RNF169: variants seen among roughly 807,000 people sequenced by gnomAD.
The protein encoded by RNF169 is ring finger protein 169, also known as E3 ubiquitin-protein ligase RNF169.
Under a neutral mutation model 53.9 loss-of-function variants are expected in RNF169, and 24 were observed. That is an observed-to-expected ratio of 0.45 (90% confidence interval 0.32 to 0.63). RNF169 has a LOEUF of 0.63. Among genes scored for constraint, RNF169 ranks in the 20% least tolerant of loss-of-function variants. The pLI is 0.04. For synonymous variants in RNF169, 396 were observed against 363.5 expected, an observed-to-expected ratio of 1.09 and a Z score of -1.02; for missense variants, 883 against 906.2, an observed-to-expected ratio of 0.97 and a Z score of 0.33.
rs190522577 is a variant in RNF169, at chr11:74,811,527, C to T, written c.723+1197C>T. 3.6e-3 allele frequency among the ~76,000 whole-genome samples: 543 copies of T among 152,240 alleles called. 3 individuals are homozygous for T. Among genetic ancestry groups the T allele is most frequent in the African/African-American group, 0.013 (533 of 41,538 alleles). On this transcript the variant is annotated intron_variant, in intron 3 of 5. Transcript: ENST00000299563. ...TGGGATTACAGGCGTGAGCCCCTGC[C>T]CGGCCTTGGTTTTATTTTTGCAAAG...
At position 74,841,472 on chromosome 11, in the gene RNF169, G is replaced by A. The variant is rs2036534169; in HGVS notation, c.*4742G>A. 1 of 152,128 alleles carries A rather than the reference G, an allele frequency of 6.6e-6. No individual in the cohort carries two copies. The highest frequency in any genetic ancestry group is 2.1e-4 in the South Asian group (1 of 4,830). The allele number at this position is 152,128 out of a possible 1,614,324, so 9.4% of individuals were successfully genotyped here. A position where few individuals can be genotyped will look rare whatever the true frequency, so the allele number is the denominator to read the frequency against. ...CACCAGTTTAGAGATCAGTCAAATT[G>A]GAAAAAGTGCCAAGACTGGATGTGC... On this transcript the variant is annotated 3_prime_UTR_variant, in exon 6 of 6. Coordinates refer to ENST00000299563, the MANE Select transcript of RNF169 (RefSeq NM_001098638.2).
intron 1 of RNF169, among the ~76,000 whole-genome samples, chr11:74,775,353 C>CT (rs913056359): frequency 7.9e-5 from 12 of 151,736 alleles, no homozygotes; most frequent in Non-Finnish European, 1.5e-4. Flanking sequence ...TTTTCTTTTT[C>CT]TTTTTTTTGT....
intron 1 of RNF169, among the ~76,000 whole-genome samples, chr11:74,755,847 A>T (rs949586111): frequency 1.3e-5 from 2 of 152,208 alleles, no homozygotes; most frequent in Admixed American, 1.3e-4. Context: ...GGAAGTAGAG[A>T]AGAGACTGAA....
chr11:74,769,525 A>T (rs2035228496), intron 1 of RNF169, among the ~76,000 whole-genome samples: 1 of 152,198 alleles, frequency 6.6e-6, no homozygotes, highest in Non-Finnish European at 1.5e-5. Context: ...GCACACACAC[A>T]ATGATGCTCA....
intron 1 of RNF169, among the ~76,000 whole-genome samples, chr11:74,762,837 C>T (rs921627835): frequency 3.9e-5 from 6 of 152,202 alleles, no homozygotes; most frequent in Non-Finnish European, 8.8e-5. Context: ...CCGACCAAAA[C>T]TGTAAGCCCT....
intron 1 of RNF169, among the ~76,000 whole-genome samples, chr11:74,782,794 C>A (rs1304500442): frequency 6.6e-6 from 1 of 151,626 alleles, no homozygotes; most frequent in African/African-American, 2.4e-5. Context: ...AATAATTTGG[C>A]AAACAGCAGT....
intron 2 of RNF169, among the ~76,000 whole-genome samples, chr11:74,808,448 A>G (rs1041699515): frequency 3.3e-5 from 5 of 152,158 alleles, no homozygotes; most frequent in African/African-American, 1.2e-4. Context: ...GTGACAATCA[A>G]AATTGTCTCC....
intron 2 of RNF169, among the ~76,000 whole-genome samples, chr11:74,803,843 G>T (rs1404283974): frequency 1.3e-5 from 2 of 152,188 alleles, no homozygotes; most frequent in African/African-American, 2.4e-5. Flanking sequence ...ATGAGGAAAT[G>T]AGCATTATTC....
Position 74,836,517 on chromosome 11 carries a change from A to C in RNF169, c.1914A>C (p.Lys638Asn). ...TKHLEQNGSL[K>N]KLRQTSGEVG... ...ACTTAGAACAAAATGGCTCCCTTAA[A>C]AAACTGCGACAAACCAGTGGGGAGG... Residue 638 changes from lysine (K) to asparagine (N), a missense_variant, in exon 6 of 6, where the codon AAA becomes AAC. Lys to Asn is a moderately conservative substitution (Grantham distance 94, BLOSUM62 0). This residue lies in a region of RNF169 where 351 missense variants were observed against 337.3 expected (regional missense o/e 1.04). Transcript: ENST00000299563. 3.1e-6 allele frequency: 5 copies of C among 1,614,214 alleles called. No homozygotes were observed. Among genetic ancestry groups the C allele is most frequent in the Non-Finnish European group, 4.2e-6 (5 of 1,180,040 alleles).
At chr11:74,779,063 A>G (rs77593174) in intron 1 of RNF169, among the ~76,000 whole-genome samples, 1,767 of 152,202 alleles carry the variant, frequency 0.012, 48 homozygotes, top group African/African-American at 0.04. Flanking sequence ...CAGCCTAACC[A>G]TTTTCTCAGT....
At chr11:74,783,201 T>C (rs1256635366) in intron 1 of RNF169, among the ~76,000 whole-genome samples, 2 of 152,146 alleles carry the variant, frequency 1.3e-5, no homozygotes, top group Non-Finnish European at 2.9e-5. Context: ...TTCCTGATGG[T>C]TTAATGCAAT....
At chr11:74,776,541 C>G (rs974285138) in intron 1 of RNF169, among the ~76,000 whole-genome samples, 3 of 145,046 alleles carry the variant, frequency 2.1e-5, no homozygotes, top group African/African-American at 7.9e-5. Context: ...AAAATTTAAG[C>G]CATTGTTTGA....
At chr11:74,831,736 C>T (rs1201580674) in intron 4 of RNF169, 1 of 151,266 alleles carries the variant, frequency 6.6e-6, no homozygotes, top group African/African-American at 2.4e-5. Flanking sequence ...CTCACAACTC[C>T]TGATTTCAAA....
chr11:74,832,514 ATTAAG>A (rs555600778), intron 4 of RNF169: 38 of 152,158 alleles, frequency 2.5e-4, no homozygotes, highest in African/African-American at 8.4e-4. Flanking sequence ...GTTTTTAAAA[ATTAAG>A]TTATTTCTTA....
intron 1 of RNF169, among the ~76,000 whole-genome samples, chr11:74,778,525 A>T (rs1168165257): frequency 6.6e-6 from 1 of 152,200 alleles, no homozygotes; most frequent in Non-Finnish European, 1.5e-5. Flanking sequence ...TGGGGATGGC[A>T]CCAGGTTCAA....
At chr11:74,775,796 G>A (rs2035324880) in intron 1 of RNF169, among the ~76,000 whole-genome samples, 1 of 152,102 alleles carries the variant, frequency 6.6e-6, no homozygotes, top group Admixed American at 6.6e-5. Context: ...TCATTTCACT[G>A]GATTAAAGTT....
intron 1 of RNF169, among the ~76,000 whole-genome samples, chr11:74,787,977 T>C (rs962978809): frequency 3.9e-5 from 6 of 152,204 alleles, no homozygotes; most frequent in Admixed American, 6.5e-5. Context: ...TACTAGAGAC[T>C]GATTTATTGG....
In RNF169 at chr11:74,801,842, G is replaced by A. The variant is rs544435056; in HGVS notation, c.577-8342G>A. On this transcript the variant is annotated intron_variant, in intron 2 of 5. Transcript: ENST00000299563. The stretch of plus-strand genomic sequence containing the variant: ...TGATTTGTTAGATTTTTAAAAATAC[G>A]TTAAAAATTAACTTAAAGATTCCCA... Among the ~76,000 whole-genome samples the A allele has an allele frequency of 1.7e-4, 26 of 152,236 alleles. No individual in the cohort carries two copies. The South Asian group carries it at 4.4e-3, about 25-fold the overall frequency.
At chr11:74,759,808 A>C (rs936509702) in intron 1 of RNF169, among the ~76,000 whole-genome samples, 1 of 151,458 alleles carries the variant, frequency 6.6e-6, no homozygotes, top group African/African-American at 2.4e-5. Context: ...TTGGTATCAG[A>C]ATGATGCTGG....
Sources: gnomAD v4.1 joint callset for allele counts (sites outside exome capture counted in the v4.1 genomes callset) on GRCh38, gnomAD v4.1.1 for gene constraint, gnomAD v4.1.1 regional missense constraint, MANE v1.5 for transcripts, NCBI Gene and HGNC (gene_info 2026-07-23, HGNC 2026-07-21) for gene names.